PRKD1: variants seen among roughly 807,000 people sequenced by gnomAD.
PRKD1 encodes the protein protein kinase D1, also known as serine/threonine-protein kinase D1.
In PRKD1, 63 loss-of-function variants were observed where a neutral mutation model predicts 95.9. The ratio of observed to expected loss-of-function variants is 0.66; its 90% CI spans 0.54 to 0.81. PRKD1 has a LOEUF of 0.81. Among genes scored for constraint, PRKD1 ranks in the 30% least tolerant of loss-of-function variants. The pLI is 0.00. For synonymous variants in PRKD1, 425 were observed against 423.1 expected (o/e 1.00, Z -0.05); for missense variants, 1,048 against 1,165.3 (o/e 0.90, Z 1.47).
At chr14:29,907,051 C>A (rs1405477120) in intron 1 of PRKD1, among the ~76,000 whole-genome samples, 5 of 152,198 alleles carry the variant, frequency 3.3e-5, no homozygotes, top group Admixed American at 3.3e-4. Flanking sequence ...TATCCACTAA[C>A]AATCACAAAA....
chr14:29,662,154 T>A (rs997891451), intron 4 of PRKD1, among the ~76,000 whole-genome samples: 2 of 152,182 alleles, frequency 1.3e-5, no homozygotes, highest in South Asian at 4.1e-4. Context: ...TAGATTTATA[T>A]AGAAACCATA....
chr14:29,656,498 G>C (rs1478135067), intron 4 of PRKD1: 28 of 1,535,606 alleles, frequency 1.8e-5, no homozygotes, highest in Non-Finnish European at 2.3e-5. Flanking sequence ...ACTCACAGGA[G>C]ACTGAAACAT....
Position 29,666,153 on chromosome 14 carries a change from T to C in PRKD1, c.459A>G (p.Ser153=). The C allele has an allele frequency of 1.9e-6, 3 of 1,609,176 alleles. No homozygotes were observed. Among genetic ancestry groups the C allele is most frequent in the Non-Finnish European group, 2.5e-6 (3 of 1,176,572 alleles). The part of the protein sequence containing the change: ...QIRPHALFVH[S]YRAPAFCDHC... ...GATCACAGAAAGCTGGAGCTCTGTATGAATGAACAAAGAGAGCGTGGGGAC... is the reference window on the plus strand; with the variant it reads ...GATCACAGAAAGCTGGAGCTCTGTACGAATGAACAAAGAGAGCGTGGGGAC... The change falls in exon 3 of 18, where the codon TCA becomes TCG. Residue 153 remains serine (S), a synonymous_variant. Transcript: ENST00000331968.
chr14:29,823,895 G>A (rs191420029), intron 1 of PRKD1, among the ~76,000 whole-genome samples: 25 of 152,284 alleles, frequency 1.6e-4, no homozygotes, highest in African/African-American at 5.5e-4. Flanking sequence ...GCAAGATTGT[G>A]TGTATTTCCC....
chr14:29,681,839 T>C (rs544068244), intron 2 of PRKD1, among the ~76,000 whole-genome samples: 1 of 152,352 alleles, frequency 6.6e-6, no homozygotes, highest in South Asian at 2.1e-4. Flanking sequence ...TTGATTCCAA[T>C]ATGCAATTTA....
chr14:29,761,295 T>C (rs1033484033), intron 1 of PRKD1, among the ~76,000 whole-genome samples: 14 of 152,194 alleles, frequency 9.2e-5, no homozygotes, highest in Admixed American at 2.0e-4. Context: ...CAGTAGAGCA[T>C]TGTAAGAACA....
intron 4 of PRKD1, chr14:29,650,625 A>T (rs887908731): frequency 5.3e-5 from 8 of 152,246 alleles, no homozygotes; most frequent in Admixed American, 5.2e-4. Context: ...ATGTATCCTG[A>T]AAGACTGAGC....
intron 4 of PRKD1, among the ~76,000 whole-genome samples, chr14:29,639,113 A>G (rs1880584429): frequency 6.6e-6 from 1 of 152,092 alleles, no homozygotes; most frequent in Admixed American, 6.6e-5. Flanking sequence ...TTAAAAAAAA[A>G]AGAGAATTGG....
chr14:29,621,613 T>C (rs1024632136), intron 13 of PRKD1, among the ~76,000 whole-genome samples: 8 of 152,170 alleles, frequency 5.3e-5, no homozygotes, highest in African/African-American at 1.7e-4. Context: ...GTACAGGTTA[T>C]GTGATTGAAA....
At chr14:29,647,998 A>G (rs1234390345) in intron 4 of PRKD1, among the ~76,000 whole-genome samples, 1 of 152,252 alleles carries the variant, frequency 6.6e-6, no homozygotes, top group East Asian at 1.9e-4. Context: ...AACATGTCCT[A>G]TAACTTATGC....
chr14:29,604,829 G>A (rs1294119758), intron 13 of PRKD1, among the ~76,000 whole-genome samples: 1 of 152,150 alleles, frequency 6.6e-6, no homozygotes, highest in East Asian at 1.9e-4. Context: ...GATATGATAA[G>A]ATCTCCTAAA....
intron 1 of PRKD1, among the ~76,000 whole-genome samples, chr14:29,741,060 C>T (rs1886959519): frequency 6.6e-6 from 1 of 151,928 alleles, no homozygotes; most frequent in Admixed American, 6.6e-5. Flanking sequence ...ATGATGAGAA[C>T]TTAGGGATAC....
Position 29,663,813 on chromosome 14 carries a change from G to T in PRKD1, c.582C>A (p.Asn194Lys), listed in dbSNP as rs199696760. The T allele has an allele frequency of 1.2e-6, 2 of 1,613,982 alleles. No homozygotes were observed. The highest frequency in any genetic ancestry group is 2.2e-5 in the East Asian group (1 of 44,880). The change falls in exon 4 of 18, where the codon AAC (asparagine) becomes AAA (lysine). Residue 194 changes from asparagine to lysine, a missense_variant. Physicochemically the swap from Asn to Lys is moderately conservative, Grantham distance 94. This residue lies in a region of PRKD1 where 275 missense variants were observed against 248.6 expected (regional missense o/e 1.11). Coordinates refer to ENST00000331968, the MANE Select transcript of PRKD1 (RefSeq NM_002742.3). The stretch of plus-strand genomic sequence containing the variant: ...TTCTCCGCCTCACACCGCTGCAATT[G>T]TTGGGTATTTTAAATGCACATCTCT... ...YHKRCAFKIP[N>K]NCSGVRRRRL...
chr14:29,806,054 C>G (rs1341341275), intron 1 of PRKD1, among the ~76,000 whole-genome samples: 1 of 152,112 alleles, frequency 6.6e-6, no homozygotes, highest in Non-Finnish European at 1.5e-5. Flanking sequence ...CTAAATAGAT[C>G]AATCTGCTTA....
intron 4 of PRKD1, among the ~76,000 whole-genome samples, chr14:29,646,475 G>A (rs1015970002): frequency 6.6e-6 from 1 of 152,062 alleles, no homozygotes; most frequent in African/African-American, 2.4e-5. Context: ...CTGCATGCCT[G>A]TATGAAAATT....
At chr14:29,785,375 T>C (rs1288905402) in intron 1 of PRKD1, among the ~76,000 whole-genome samples, 1 of 152,204 alleles carries the variant, frequency 6.6e-6, no homozygotes, top group East Asian at 1.9e-4. Flanking sequence ...GCTACTTTGT[T>C]ACTGGTATGT....
chr14:29,912,713 T>C (rs771615404), intron 1 of PRKD1, among the ~76,000 whole-genome samples: 1 of 152,240 alleles, frequency 6.6e-6, no homozygotes, highest in Non-Finnish European at 1.5e-5. Flanking sequence ...CATCTGTATA[T>C]AGTGTTCCTC....
At chr14:29,918,921 A>G (rs1012788417) in intron 1 of PRKD1, among the ~76,000 whole-genome samples, 2 of 152,238 alleles carry the variant, frequency 1.3e-5, no homozygotes, top group African/African-American at 4.8e-5. Flanking sequence ...TATATTATGC[A>G]CATTCATACT....
chr14:29,580,568 A>G (rs1258886307), intron 16 of PRKD1, among the ~76,000 whole-genome samples: 1 of 152,158 alleles, frequency 6.6e-6, no homozygotes, highest in Non-Finnish European at 1.5e-5. Flanking sequence ...GGACCACGGT[A>G]TTAGTGAGAA....
Sources: gnomAD v4.1 joint callset for allele counts (sites outside exome capture counted in the v4.1 genomes callset) on GRCh38, gnomAD v4.1.1 for gene constraint, gnomAD v4.1.1 regional missense constraint, MANE v1.5 for transcripts, NCBI Gene and HGNC (gene_info 2026-07-23, HGNC 2026-07-21) for gene names.